BAIAP3: variants seen among roughly 807,000 people sequenced by gnomAD.
BAIAP3 encodes BAI1-associated protein 3.
A neutral mutation model predicts 149.7 loss-of-function variants in BAIAP3; 180 were observed. The ratio of observed to expected loss-of-function variants is 1.20; its 90% CI spans 1.07 to 1.36. The LOEUF is 1.36. Ranked by LOEUF, BAIAP3 falls within the 40% of genes most tolerant of loss-of-function variation. BAIAP3 has a pLI of 0.00. For missense variants in BAIAP3, 1,767 were observed against 1,563.4 expected (o/e 1.13, Z -2.20); for synonymous variants, 845 against 670.7 (o/e 1.26, Z -4.02).
intron 29 of BAIAP3, 63 bp downstream of exon 29, chr16:1,347,432 C>T: frequency 6.3e-7 from 1 of 1,598,048 alleles, no homozygotes; most frequent in South Asian, 1.1e-5. Context: ...AACTGCAGCC[C>T]CACACGGGCT....
chr16:1,334,814 G>C (rs1248584601), intron 1 of BAIAP3: 24 of 1,456,496 alleles, frequency 1.6e-5, no homozygotes, highest in Admixed American at 5.9e-5. Flanking sequence ...AGGGGAGTCG[G>C]GGGGCTGAGG....
rs1176644382 is a variant in BAIAP3, at chr16:1,348,421, A to C, written c.3398A>C (p.Glu1133Ala). 1 of 1,612,656 alleles carries C rather than the reference A, an allele frequency of 6.2e-7. No homozygotes were observed. Among genetic ancestry groups the C allele is most frequent in the African/African-American group, 1.3e-5 (1 of 74,930 alleles). ...AGGCTGGAAGGCCGCACCAGCAAGG[A>C]GGCGCAGGAGTTCGTGAAGAAACTC... ...LRRLEGRTSK[E>A]AQEFVKKLKE... Residue 1133 changes from glutamate (E) to alanine (A), a missense_variant, in exon 34 of 34, where the codon GAG (glutamate) becomes GCG (alanine). Transcript: ENST00000426824.
In BAIAP3 at chr16:1,346,609, T is replaced by C. The variant is rs765717379; in HGVS notation, c.2567T>C (p.Val856Ala). ...CCTGACCACCCCTGCCCGCAGGCCG[T>C]GGCCCCGCTCATGAAGTACCTGGAT... is the stretch of plus-strand genomic sequence containing the variant. ...SPDSIQNDEA[V>A]APLMKYLDEK... The change falls in exon 27 of 34, where the codon GTG (valine) becomes GCG (alanine). Residue 856 changes from valine (V) to alanine (A), a missense_variant. Transcript: ENST00000426824. 4 of 1,489,144 alleles carry C rather than the reference T, an allele frequency of 2.7e-6. No individual in the cohort carries two copies. The East Asian group carries it at 8.4e-5, about 31-fold the overall frequency. The allele number at this position is 1,489,144 out of a possible 1,614,324, so 92.2% of individuals were successfully genotyped here. A position where few individuals can be genotyped will look rare whatever the true frequency, so the allele number is the denominator to read the frequency against.
chr16:1,340,725 T>C (rs976627475), intron 5 of BAIAP3, among the ~76,000 whole-genome samples, 197 bp from the exon 6 acceptor site: 3 of 152,194 alleles, frequency 2.0e-5, no homozygotes, highest in African/African-American at 7.2e-5. Context: ...GTGGCCCTCA[T>C]CACACCCACC....
Position 1,341,872 on chromosome 16 carries a change from G to A in BAIAP3, c.776+6G>A, listed in dbSNP as rs1327719806. The A allele has an allele frequency of 1.9e-6, 3 of 1,612,002 alleles. No individual in the cohort carries two copies. Among genetic ancestry groups the A allele is most frequent in the Non-Finnish European group, 2.5e-6 (3 of 1,179,638 alleles). On this transcript the variant is annotated splice_donor_region_variant and intron_variant, in intron 9 of 33. Coordinates refer to ENST00000426824, the MANE Select transcript of BAIAP3 (RefSeq NM_001199097.2). ...CAGCTGCACCTGGACATCTGGTACA[G>A]GCCCCTGCGCCATGCAGGGCGGCGG...
chr16:1,342,976 G>T lies in BAIAP3; in HGVS notation c.1225G>T (p.Gly409Ter). 6.2e-7 allele frequency: 1 copy of T among 1,611,030 alleles called. No individual in the cohort carries two copies. Among genetic ancestry groups the T allele is most frequent in the South Asian group, 1.1e-5 (1 of 91,058 alleles). ...AGCCGCCACCATCCTCTGCCTGCAC[G>T]GAGCCCAGAGCAACCTGTCACCCTT... ...TPAATILCLH[G>*]AQSNLSPLQL... is the part of the protein sequence containing the mutation. The change falls in exon 14 of 34, where the codon GGA (glycine) becomes TGA (stop). Residue 409 changes from glycine (G) to a stop codon, truncating the protein, a stop_gained. Transcript: ENST00000426824. LOFTEE classifies it high-confidence loss of function.
Position 1,341,874 on chromosome 16 carries a change from C to G in BAIAP3, c.776+8C>G. The G allele has an allele frequency of 6.2e-7, 1 of 1,611,038 alleles. No homozygotes were observed. The highest frequency in any genetic ancestry group is 8.5e-7 in the Non-Finnish European group (1 of 1,179,244). ...GCTGCACCTGGACATCTGGTACAGGCCCCTGCGCCATGCAGGGCGGCGGGG... is the reference window on the plus strand; with the variant it reads ...GCTGCACCTGGACATCTGGTACAGGGCCCTGCGCCATGCAGGGCGGCGGGG... On this transcript the variant is annotated splice_region_variant and intron_variant, in intron 9 of 33. Coordinates refer to ENST00000426824, the MANE Select transcript of BAIAP3 (RefSeq NM_001199097.2).
Position 1,338,959 on chromosome 16 carries a change from G to T in BAIAP3, c.189G>T (p.Gly63=), listed in dbSNP as rs888505134. 5 of 1,613,102 alleles carry T rather than the reference G, an allele frequency of 3.1e-6. No individual in the cohort carries two copies. The Admixed American group carries it at 8.3e-5, about 27-fold the overall frequency. The part of the protein sequence containing the change: ...FAHMRLMLKK[G]EGRQGLPCLE... Reference sequence around the variant, plus strand: ...ACATGCGCCTCATGCTGAAGAAGGGGGAAGGCAGACAGGGCTTGCCGTGCC... The same window carrying T: ...ACATGCGCCTCATGCTGAAGAAGGGTGAAGGCAGACAGGGCTTGCCGTGCC... The change falls in exon 3 of 34, where the codon GGG becomes GGT. Residue 63 remains glycine, a synonymous_variant. Transcript: ENST00000426824.
intron 1 of BAIAP3, among the ~76,000 whole-genome samples, chr16:1,337,344 C>T (rs191110519): frequency 1.3e-5 from 2 of 152,304 alleles, no homozygotes; most frequent in South Asian, 2.1e-4. Context: ...AGCGAAACCC[C>T]GTCTCCACTG....
chr16:1,339,877 AC>A, intron 5 of BAIAP3, among the ~76,000 whole-genome samples: 1 of 141,916 alleles, frequency 7.0e-6, no homozygotes, highest in African/African-American at 2.7e-5. Flanking sequence ...ACACAGACAC[AC>A]GCACACAGGC....
Position 1,340,907 on chromosome 16 carries a change from A to T in BAIAP3, c.409-15A>T. ...GGGGTTGCCTAGGCCCTGCCAACCC[A>T]GCCACCCTCCACAGGTGTTTGGCAC... On this transcript the variant is annotated splice_polypyrimidine_tract_variant and intron_variant, in intron 5 of 33. Transcript: ENST00000426824. The T allele has an allele frequency of 6.4e-7, 1 of 1,562,378 alleles. No homozygotes were observed. The highest frequency in any genetic ancestry group is 1.7e-4 in the Middle Eastern group (1 of 5,998).
chr16:1,337,448 G>C (rs899756759), intron 1 of BAIAP3, among the ~76,000 whole-genome samples: 1 of 152,224 alleles, frequency 6.6e-6, no homozygotes, highest in Admixed American at 6.5e-5. Context: ...AACCTGGAAG[G>C]CGGAGGTTGC....
In BAIAP3 at chr16:1,346,316, TC is replaced by T; in HGVS notation, c.2449del (p.Leu817CysfsTer8). ...GCTGCACACAGGCCCTGGACGATGA[TC>T]TGCAACGGGAGGCCCACACGGTGAC... is the stretch of plus-strand genomic sequence containing the variant. ...LSCTQALDDDLQREAHTVTAH... is the reference protein window; with the variant it reads ...LSCTQALDDDXQREAHTVTAH... On this transcript the variant is annotated frameshift_variant, in exon 25 of 34. Coordinates refer to ENST00000426824, the MANE Select transcript of BAIAP3 (RefSeq NM_001199097.2). LOFTEE classifies it high-confidence loss of function. The T allele has an allele frequency of 6.2e-7, 1 of 1,604,112 alleles. No individual in the cohort carries two copies. The highest frequency in any genetic ancestry group is 8.5e-7 in the Non-Finnish European group (1 of 1,173,128).
chr16:1,337,839 G>A (rs2033572694), intron 1 of BAIAP3, among the ~76,000 whole-genome samples: 1 of 152,202 alleles, frequency 6.6e-6, no homozygotes, highest in African/African-American at 2.4e-5. Flanking sequence ...TACCAACTAT[G>A]GGGAGCAGGC....
In BAIAP3 at chr16:1,347,557, G is replaced by C. The variant is rs1220573099; in HGVS notation, c.2836G>C (p.Glu946Gln). Residue 946 changes from glutamate to glutamine, a missense_variant, in exon 30 of 34, where the codon GAG becomes CAG. By Grantham distance (29) the Glu-to-Gln change is conservative. Coordinates refer to ENST00000426824, the MANE Select transcript of BAIAP3 (RefSeq NM_001199097.2). ...CTTCCCCCTGCAGAGGCTGAAGGAGGAGCTGCGGCTGCACAAATGTTCCAC... is the reference window on the plus strand; with the variant it reads ...CTTCCCCCTGCAGAGGCTGAAGGAGCAGCTGCGGCTGCACAAATGTTCCAC... ...RDGSYKRLKEELRLHKCSTRE... is the reference protein window; with the variant it reads ...RDGSYKRLKEQLRLHKCSTRE... 1.9e-6 allele frequency: 3 copies of C among 1,609,558 alleles called. No individual in the cohort carries two copies. Among genetic ancestry groups the C allele is most frequent in the Non-Finnish European group, 1.7e-6 (2 of 1,178,588 alleles).
At chr16:1,340,191 ACACGCACACAGGC>A (rs2033810672) in intron 5 of BAIAP3, among the ~76,000 whole-genome samples, 1 of 40,752 alleles carries the variant, frequency 2.5e-5, no homozygotes, top group Non-Finnish European at 4.2e-5. Context: ...GCACACAGAC[ACACGCACACAGGC>A]TGCAGGTGCA....
intron 5 of BAIAP3, 100 bp downstream of exon 5, chr16:1,339,703 C>T: frequency 2.1e-6 from 2 of 948,144 alleles, no homozygotes; most frequent in Non-Finnish European, 1.6e-6. Flanking sequence ...TATGCAGAAT[C>T]TCCCCGATCC....
At chr16:1,340,214 A>G (rs1357892144) in intron 5 of BAIAP3, among the ~76,000 whole-genome samples, 4 of 135,502 alleles carry the variant, frequency 3.0e-5, no homozygotes, top group African/African-American at 5.7e-5. Context: ...CTGCAGGTGC[A>G]CACAGACACA....
In BAIAP3 at chr16:1,347,408, G is replaced by C. The variant is rs760430727; in HGVS notation, c.2823+39G>C. The stretch of plus-strand genomic sequence containing the variant: ...CTCTGTGGGGCGGGGGTGTGGATGA[G>C]GGGACTGAGTTCAAACTGCAGCCCC... On this transcript the variant is annotated intron_variant, in intron 29 of 33. Transcript: ENST00000426824. The C allele has an allele frequency of 2.5e-6, 4 of 1,607,852 alleles. No homozygotes were observed. In the African/African-American group the frequency reaches 5.4e-5, roughly 22 times the overall value.
Sources: gnomAD v4.1 joint callset for allele counts (sites outside exome capture counted in the v4.1 genomes callset) on GRCh38, gnomAD v4.1.1 for gene constraint, MANE v1.5 for transcripts, NCBI Gene and HGNC (gene_info 2026-07-23, HGNC 2026-07-21) for gene names.